Variants in CCDC88C observed in about 807,000 individuals in gnomAD.
CCDC88C encodes protein Daple.
In CCDC88C, 131 loss-of-function variants were observed where a neutral mutation model predicts 198.8. That is an observed-to-expected ratio of 0.66 (90% confidence interval 0.57 to 0.76). The LOEUF (loss-of-function observed/expected upper bound fraction) is 0.76. Ranked by LOEUF, CCDC88C falls within the 30% of genes least tolerant of loss-of-function variation. CCDC88C has a pLI of 0.00. For missense variants in CCDC88C, 2,553 were observed against 2,631.6 expected (o/e 0.97, Z 0.65); for synonymous variants, 1,166 against 1,114.7 (o/e 1.05, Z -0.92).
At chr14:91,321,402 G>T in intron 12 of CCDC88C, 98 bp from the exon 13 acceptor site, 1 of 1,303,698 alleles carries the variant, frequency 7.7e-7, no homozygotes. Context: ...GGAGTCCAGG[G>T]TCTAAGGGGC....
intron 14 of CCDC88C, 135 bp from the exon 15 acceptor site, chr14:91,314,285 C>T: frequency 1.5e-6 from 1 of 682,766 alleles, no homozygotes; most frequent in South Asian, 1.9e-5. Flanking sequence ...CCTGTGCGTT[C>T]CCCAGAGGCT....
At position 91,313,150 on chromosome 14, in the gene CCDC88C, A is replaced by G. The variant is rs867189172; in HGVS notation, c.2666T>C (p.Leu889Pro). Reference protein sequence around the residue: ...CRDAAGKLKELEKDNRDLTKQ... With the variant: ...CRDAAGKLKEPEKDNRDLTKQ... ...GGTGAGGTCCCGGTTGTCCTTCTCC[A>G]GCTCCTTCAGCTTGCCGGCTGCGTC... Residue 889 changes from leucine (L) to proline (P), a missense_variant, in exon 15 of 30, where the codon CTG (leucine) becomes CCG (proline). Physicochemically the swap from Leu to Pro is moderately conservative, Grantham distance 98 (BLOSUM62 -3). This residue lies in a region of CCDC88C where 1,260 missense variants were observed against 1,412.0 expected (regional missense o/e 0.89). Transcript: ENST00000389857. This position sits in a 1 kb window ranked among gnomAD's most constrained non-coding sequence, Gnocchi z 5.2. 2 of 1,610,492 alleles carry G rather than the reference A, an allele frequency of 1.2e-6. No homozygotes were observed. The highest frequency in any genetic ancestry group is 1.7e-5 in the Admixed American group (1 of 59,942).
chr14:91,388,315 AC>A (rs1390386797), intron 3 of CCDC88C, among the ~76,000 whole-genome samples: 7 of 151,604 alleles, frequency 4.6e-5, no homozygotes, highest in Non-Finnish European at 1.0e-4. Context: ...GCCTCAGCCC[AC>A]CCCCCGCTCC....
rs1297596358 is a variant in CCDC88C, at chr14:91,387,873, G to A, written c.270+20786C>T. ...AGGAGCAGCTTGGGCAGGATCAGCA[G>A]TGCCCAACCCTGGCTGCACGTCGGA... On this transcript the variant is annotated intron_variant, in intron 3 of 29. Coordinates refer to ENST00000389857, the MANE Select transcript of CCDC88C (RefSeq NM_001080414.4). 2.0e-5 allele frequency among the ~76,000 whole-genome samples: 3 copies of A among 152,322 alleles called. No homozygotes were observed. In the East Asian group the frequency reaches 5.8e-4, roughly 29 times the overall value.
rs1742562 is a variant in CCDC88C at position 91,340,244 on chromosome 14, T to C, written c.484-220A>G. Among the ~76,000 whole-genome samples the C allele has an allele frequency of 0.78, 118,889 of 152,108 alleles. 46,770 individuals carry two copies. The highest frequency in any genetic ancestry group is 0.82 in the Non-Finnish European group (55,617 of 68,000). On this transcript the variant is annotated intron_variant, in intron 6 of 29. Coordinates refer to ENST00000389857, the MANE Select transcript of CCDC88C (RefSeq NM_001080414.4). ...GCTTTCAGAACTGGGTCAGAGAGGA[T>C]GCTGATTTTCAAAGGGGACCAGAAA...
chr14:91,273,249 G>A lies in CCDC88C; in HGVS notation c.5463C>T (p.Cys1821=). 6.4e-7 allele frequency: 1 copy of A among 1,559,372 alleles called. No homozygotes were observed. Among genetic ancestry groups the A allele is most frequent in the South Asian group, 1.2e-5 (1 of 84,906 alleles). ...CCAGCTTCTGAGGGGACTCCTGTTTGCAGGCCTCTGGCCCGCTGGCCCGGA... is the reference window on the plus strand; with the variant it reads ...CCAGCTTCTGAGGGGACTCCTGTTTACAGGCCTCTGGCCCGCTGGCCCGGA... ...DLLRASGPEA[C]KQESPQKLGA... Residue 1821 remains cysteine, a synonymous_variant, in exon 30 of 30, where the codon TGC becomes TGT. Transcript: ENST00000389857. This position sits in a 1 kb window ranked among gnomAD's most constrained non-coding sequence, Gnocchi z 5.6.
chr14:91,347,186 T>TA (rs2139877490), intron 4 of CCDC88C, among the ~76,000 whole-genome samples: 1 of 152,276 alleles, frequency 6.6e-6, no homozygotes, highest in Non-Finnish European at 1.5e-5. Flanking sequence ...AGAAAGCACT[T>TA]AAGGGCCTGA....
chr14:91,417,311 G>A, intron 1 of CCDC88C: 1 of 640,444 alleles, frequency 1.6e-6, no homozygotes, highest in Non-Finnish European at 2.8e-6. Flanking sequence ...CCCAGGGACA[G>A]GAGTGACCAC....
intron 13 of CCDC88C, among the ~76,000 whole-genome samples, chr14:91,320,190 C>G (rs953831162): frequency 3.3e-5 from 5 of 152,186 alleles, no homozygotes; most frequent in African/African-American, 9.7e-5. Flanking sequence ...AGGATGGGAG[C>G]TGGTTGCCAA....
intron 20 of CCDC88C, among the ~76,000 whole-genome samples, chr14:91,303,361 C>T (rs931931955): frequency 1.3e-5 from 2 of 151,066 alleles, no homozygotes; most frequent in Non-Finnish European, 3.0e-5. Context: ...ACGAGGCCCC[C>T]GCCTCTCGTC....
intron 3 of CCDC88C, among the ~76,000 whole-genome samples, chr14:91,393,737 C>T (rs931233550): frequency 6.6e-6 from 1 of 152,178 alleles, no homozygotes; most frequent in African/African-American, 2.4e-5. Context: ...GCCTGTAATC[C>T]CAGTTACTCA....
At chr14:91,312,304 C>T (rs1891864546) in intron 15 of CCDC88C, among the ~76,000 whole-genome samples, 1 of 152,190 alleles carries the variant, frequency 6.6e-6, no homozygotes, top group African/African-American at 2.4e-5. Context: ...AGGAGAATCG[C>T]TTGAACCCAG....
intron 14 of CCDC88C, among the ~76,000 whole-genome samples, chr14:91,314,771 G>A (rs868247286): frequency 2.6e-5 from 4 of 152,184 alleles, no homozygotes; most frequent in Non-Finnish European, 4.4e-5. Context: ...GGCCCTGTCC[G>A]TCTGTTTACC....
Position 91,313,789 on chromosome 14 carries a change from C to T in CCDC88C, c.2027G>A (p.Arg676Gln), listed in dbSNP as rs746855648. Residue 676 changes from arginine to glutamine, a missense_variant, in exon 15 of 30, where the codon CGG becomes CAG. Physicochemically the swap from Arg to Gln is conservative, Grantham distance 43. This residue lies in a region of CCDC88C where 1,260 missense variants were observed against 1,412.0 expected (regional missense o/e 0.89). Transcript: ENST00000389857. This position sits in a 1 kb window ranked among gnomAD's most constrained non-coding sequence, Gnocchi z 5.2. ...GGTGTCCAGAGACTTCCTCAGAGTC[C>T]GGTTCTCCAGCTGCAGGCCCTGGCT... is the stretch of plus-strand genomic sequence containing the variant. The part of the protein sequence containing the change: ...HESQGLQLEN[R>Q]TLRKSLDTLQ... The T allele has an allele frequency of 1.2e-5, 19 of 1,605,984 alleles. No homozygotes were observed. Among genetic ancestry groups the T allele is most frequent in the South Asian group, 8.8e-5 (8 of 90,798 alleles).
chr14:91,399,604 G>A (rs922458472), intron 3 of CCDC88C, among the ~76,000 whole-genome samples: 17 of 152,104 alleles, frequency 1.1e-4, no homozygotes, highest in Non-Finnish European at 1.8e-4. Flanking sequence ...TTGGGAGGCC[G>A]AGGCAGGTGG....
intron 10 of CCDC88C, among the ~76,000 whole-genome samples, chr14:91,335,929 C>G (rs1359995758): frequency 6.6e-6 from 1 of 152,204 alleles, no homozygotes; most frequent in African/African-American, 2.4e-5. Context: ...CAGCAGTGGC[C>G]TGGACTTAAT....
In CCDC88C at chr14:91,343,611, G is replaced by C; in HGVS notation, c.387C>G (p.Gly129=). ...EIKKVLLLVL[G]CAVQCERKEE... ...GCCCAATCCCTACCTGGACAGCACA[G>C]CCCAGCACCAGCAGCAGCACCTTCT... The change falls in exon 5 of 30, where the codon GGC becomes GGG. Residue 129 remains glycine (G), a synonymous_variant. Transcript: ENST00000389857. 1 of 1,613,714 alleles carries C rather than the reference G, an allele frequency of 6.2e-7. No individual in the cohort carries two copies. Among genetic ancestry groups the C allele is most frequent in the Non-Finnish European group, 8.5e-7 (1 of 1,179,822 alleles).
chr14:91,287,428 G>A (rs1158060496), intron 25 of CCDC88C, among the ~76,000 whole-genome samples: 1 of 152,126 alleles, frequency 6.6e-6, no homozygotes, highest in Non-Finnish European at 1.5e-5. Flanking sequence ...ATAGCTCGCT[G>A]CAGCCACGAC....
rs887206656 is a variant in CCDC88C, at chr14:91,294,180, G to A, written c.4105C>T (p.Gln1369Ter). 1 of 1,613,882 alleles carries A rather than the reference G, an allele frequency of 6.2e-7. No individual in the cohort carries two copies. The highest frequency in any genetic ancestry group is 1.7e-5 in the Admixed American group (1 of 60,002). ...CAGGGACTCCCTGCTTACATGTACT[G>A]CTTCTGCTCCTCATGGTACTGCTCC... ...NKEQYHEEQK[Q>*]YIDKLNALRR... The change falls in exon 23 of 30, where the codon CAG becomes TAG. Residue 1369 changes from glutamine to a stop codon, truncating the protein, a stop_gained. Coordinates refer to ENST00000389857, the MANE Select transcript of CCDC88C (RefSeq NM_001080414.4). LOFTEE classifies it high-confidence loss of function.
Sources: gnomAD v4.1 joint callset for allele counts (sites outside exome capture counted in the v4.1 genomes callset) on GRCh38, gnomAD v4.1.1 for gene constraint, gnomAD v4.1.1 regional missense constraint, Gnocchi (gnomAD v3.1) non-coding constraint, MANE v1.5 for transcripts, NCBI Gene and HGNC (gene_info 2026-07-23, HGNC 2026-07-21) for gene names.